The following NCOA2 variants were observed in gnomAD, a reference collection of about 807,000 sequenced individuals.
NCOA2 encodes nuclear receptor coactivator 2, also known as class E basic helix-loop-helix protein 75.
NCOA2 carries 21 observed loss-of-function variants against 145.1 expected under a neutral mutation model. That is an observed-to-expected ratio of 0.14 (90% CI 0.10 to 0.21). The LOEUF (loss-of-function observed/expected upper bound fraction) is 0.21, where lower values mean the gene tolerates loss of function less well. NCOA2 is among the 10% of genes least tolerant of loss of function. The pLI is 1.00. For missense variants in NCOA2, 1,472 were observed against 1,837.6 expected (o/e 0.80, Z 3.64); for synonymous variants, 619 against 637.5 (o/e 0.97, Z 0.44).
intron 2 of NCOA2, among the ~76,000 whole-genome samples, chr8:70,282,949 AGT>A (rs1366474349): frequency 6.6e-6 from 1 of 152,204 alleles, no homozygotes; most frequent in African/African-American, 2.4e-5. Context: ...CATATGAATG[AGT>A]GTGTCTGTTC....
At chr8:70,374,542 C>T (rs953750116) in intron 1 of NCOA2, among the ~76,000 whole-genome samples, 10 of 151,488 alleles carry the variant, frequency 6.6e-5, no homozygotes, top group Admixed American at 6.6e-4. Context: ...GTGGCTCACA[C>T]CTGTTATCCC....
At chr8:70,364,685 C>G (rs1810514857) in intron 1 of NCOA2, among the ~76,000 whole-genome samples, 1 of 150,846 alleles carries the variant, frequency 6.6e-6, no homozygotes, top group Admixed American at 6.6e-5. Flanking sequence ...GACTCAAAAC[C>G]AAATGCATCT....
intron 11 of NCOA2, among the ~76,000 whole-genome samples, chr8:70,148,934 C>CACCCAATCAGTATTTA (rs1811424975): frequency 6.6e-6 from 1 of 151,924 alleles, no homozygotes; most frequent in African/African-American, 2.4e-5. Context: ...TCCAAATTTG[C>CACCCAATCAGTATTTA]ACCCAATCAG....
intron 1 of NCOA2, among the ~76,000 whole-genome samples, chr8:70,381,335 A>G (rs909217768): frequency 3.9e-5 from 6 of 152,198 alleles, no homozygotes. Context: ...TGTAACTTCT[A>G]TTTAATACAC....
chr8:70,299,899 G>A (rs1431159603), intron 1 of NCOA2, among the ~76,000 whole-genome samples: 1 of 152,082 alleles, frequency 6.6e-6, no homozygotes, highest in East Asian at 1.9e-4. Context: ...GTTTATCAAG[G>A]GATTTTCTTA....
At chr8:70,454,380 C>T in the NCOA2 span, among the ~76,000 whole-genome samples, 7 of 152,260 alleles carry the variant, frequency 4.6e-5, no homozygotes, top group East Asian at 1.2e-3. Context: ...GTGCAAAGAA[C>T]GGAACTGCTC....
rs1808250538 is a variant in NCOA2 at position 70,124,927 on chromosome 8, G to GT, written c.3917-63dup. The GT allele has an allele frequency of 8.0e-5, 115 of 1,428,862 alleles. No homozygotes were observed. In the South Asian group the frequency reaches 1.5e-3, roughly 19 times the overall value. 88.5% of individuals were successfully genotyped at this position (1,428,862 alleles called of 1,614,324 possible). A position where few individuals can be genotyped will look rare whatever the true frequency, so the allele number is the denominator to read the frequency against. On this transcript the variant is annotated intron_variant, in intron 19 of 22. Transcript: ENST00000452400. ...ACTGTTAGTTATATTGTAGAGACTG[G>GT]TGGGGGGGAAAGAACATTCCAAATT... is the stretch of plus-strand genomic sequence containing the variant.
At chr8:70,141,922 A>G (rs567986260) in intron 13 of NCOA2, among the ~76,000 whole-genome samples, 5 of 152,354 alleles carry the variant, frequency 3.3e-5, no homozygotes, top group Non-Finnish European at 7.3e-5. Flanking sequence ...GAGAACTTAT[A>G]GATCTTTCTG....
Position 70,214,133 on chromosome 8 carries a change from A to G in NCOA2, c.87-58T>C. On this transcript the variant is annotated intron_variant, in intron 3 of 22. Transcript: ENST00000452400. The stretch of plus-strand genomic sequence containing the variant: ...TTGAAAAAGAGCTATTGTGAAAAAA[A>G]TGAACGTGTTAAACAAGTTTAATAC... The G allele has an allele frequency of 2.0e-6, 3 of 1,500,186 alleles. No homozygotes were observed. In the South Asian group the frequency reaches 3.7e-5, roughly 19 times the overall value. The allele number at this position is 1,500,186 out of a possible 1,614,324, so 92.9% of individuals were successfully genotyped here.
chr8:70,209,801 G>A lies in NCOA2; in HGVS notation c.259+4102C>T, dbSNP rs569612613. On this transcript the variant is annotated intron_variant, in intron 4 of 22. Coordinates refer to ENST00000452400, the MANE Select transcript of NCOA2 (RefSeq NM_006540.4). ...GTGAAGTATAACTTTTATACACCCT[G>A]GAAAAACAAAAAATTCATGTCACTT... 2.6e-5 allele frequency among the ~76,000 whole-genome samples: 4 copies of A among 152,186 alleles called. No individual in the cohort carries two copies. The South Asian group carries it at 8.3e-4, about 32-fold the overall frequency.
At position 70,128,505 on chromosome 8, in the gene NCOA2, G is replaced by C; in HGVS notation, c.3609C>G (p.Arg1203=). The change falls in exon 18 of 23, where the codon CGC becomes CGG. Residue 1203 remains arginine (R), a synonymous_variant. Transcript: ENST00000452400. ...LQHRLQAQQN[R]QPLMNQISNV... ...TGCTGATTTGATTCATAAGTGGCTG[G>C]CGATTCTAAATACATACAAACAGGA... The C allele has an allele frequency of 6.2e-7, 1 of 1,612,262 alleles. No individual in the cohort carries two copies. Among genetic ancestry groups the C allele is most frequent in the South Asian group, 1.1e-5 (1 of 90,718 alleles).
intron 2 of NCOA2, among the ~76,000 whole-genome samples, chr8:70,274,654 G>C (rs1173194492): frequency 1.3e-5 from 2 of 152,074 alleles, no homozygotes; most frequent in Non-Finnish European, 2.9e-5. Flanking sequence ...AGTCTTTAAT[G>C]ATCAAGCAAA....
intron 11 of NCOA2, among the ~76,000 whole-genome samples, chr8:70,154,449 A>G (rs1325541611): frequency 6.6e-6 from 1 of 152,126 alleles, no homozygotes; most frequent in African/African-American, 2.4e-5. Context: ...GTCTCAATCT[A>G]TTGCCTAGGC....
At position 70,199,505 on chromosome 8, in the gene NCOA2, G is replaced by A. The variant is rs145462961; in HGVS notation, c.259+14398C>T. ...GGATGGTCAACAGAGACAGCTACCA[G>A]AGAAGCTAGGCAGGCAGATGGGAAG... On this transcript the variant is annotated intron_variant, in intron 4 of 22. Transcript: ENST00000452400. Among the ~76,000 whole-genome samples the A allele has an allele frequency of 6.0e-5, 9 of 150,638 alleles. No individual in the cohort carries two copies. The East Asian group carries it at 1.8e-3, about 29-fold the overall frequency.
At chr8:70,193,526 A>C (rs1201850098) in intron 4 of NCOA2, among the ~76,000 whole-genome samples, 1 of 152,236 alleles carries the variant, frequency 6.6e-6, no homozygotes, top group East Asian at 1.9e-4. Flanking sequence ...CAGCTATCTA[A>C]CAATATTCCA....
intron 4 of NCOA2, among the ~76,000 whole-genome samples, chr8:70,187,534 T>G (rs1313889879): frequency 6.6e-6 from 1 of 152,206 alleles, no homozygotes; most frequent in Admixed American, 6.5e-5. Context: ...TGGAAAAGTT[T>G]GAGCCACAAC....
chr8:70,243,902 C>T (rs1049784069), intron 2 of NCOA2, among the ~76,000 whole-genome samples: 1 of 151,384 alleles, frequency 6.6e-6, no homozygotes, highest in Non-Finnish European at 1.5e-5. Flanking sequence ...GTGTTGTCTG[C>T]TTTTTAAAAG....
chr8:70,415,132 C>T, the NCOA2 span, among the ~76,000 whole-genome samples: 570 of 152,062 alleles, frequency 3.7e-3, 8 homozygotes, highest in African/African-American at 0.013. Flanking sequence ...GCAAGGCCCC[C>T]ATCTCTACAA....
intron 1 of NCOA2, among the ~76,000 whole-genome samples, chr8:70,385,063 C>T (rs1812535049): frequency 6.6e-6 from 1 of 152,166 alleles, no homozygotes; most frequent in African/African-American, 2.4e-5. Flanking sequence ...CTGTTACACC[C>T]TTCAATTGAT....
Sources: gnomAD v4.1 joint callset for allele counts (sites outside exome capture counted in the v4.1 genomes callset) on GRCh38, gnomAD v4.1.1 for gene constraint, MANE v1.5 for transcripts, NCBI Gene and HGNC (gene_info 2026-07-23, HGNC 2026-07-21) for gene names.